The following LAYN variants were observed in gnomAD, a reference collection of about 807,000 sequenced individuals.
LAYN encodes layilin.
In LAYN, 38 loss-of-function variants were observed where a neutral mutation model predicts 43.6. That is an observed-to-expected ratio of 0.87 (90% confidence interval 0.67 to 1.14). The LOEUF (loss-of-function observed/expected upper bound fraction) is 1.14, where lower values mean the gene tolerates loss of function less well. LAYN is among the 50% of genes most tolerant of loss of function. LAYN has a pLI of 0.00. For synonymous variants in LAYN, 168 were observed against 172.9 expected (o/e 0.97, Z 0.22); for missense variants, 479 against 463.8 (o/e 1.03, Z -0.30).
chr11:111,555,130 T>C, intron 4 of LAYN, 77 bp from the exon 5 acceptor site: 1 of 1,089,696 alleles, frequency 9.2e-7, no homozygotes, highest in Non-Finnish European at 1.4e-6. Context: ...GCATCCCAAT[T>C]TGAACATGGT....
chr11:111,554,394 A>G (rs1322624625), intron 3 of LAYN, among the ~76,000 whole-genome samples, 167 bp from the exon 4 acceptor site: 4 of 152,254 alleles, frequency 2.6e-5, no homozygotes, highest in Non-Finnish European at 5.9e-5. Flanking sequence ...GTGCAAAAGC[A>G]ATTATTTTGA....
At chr11:111,547,780 T>C (rs1867673398) in intron 2 of LAYN, among the ~76,000 whole-genome samples, 1 of 152,192 alleles carries the variant, frequency 6.6e-6, no homozygotes, top group Admixed American at 6.5e-5. Flanking sequence ...CTTTGGGTCT[T>C]TAAGGGTGAC....
rs1555018587 is a variant in LAYN, at chr11:111,558,783, A to AT, written c.761+1140_761+1141insT. On this transcript the variant is annotated intron_variant, in intron 6 of 6. Coordinates refer to ENST00000375614, the MANE Select transcript of LAYN (RefSeq NM_178834.5). Reference sequence around the variant, plus strand: ...TTTTATTTATTATTTTATTTAAAAAAATATATATATATATATATATTTGAG... The same window carrying AT: ...TTTTATTTATTATTTTATTTAAAAAATATATATATATATATATATATTTGAG... Among the ~76,000 whole-genome samples, 66 of 143,128 alleles carry AT rather than the reference A, an allele frequency of 4.6e-4. 1 individual carries two copies. The highest frequency in any genetic ancestry group is 1.6e-3 in the African/African-American group (60 of 37,948). 93.9% of individuals were successfully genotyped at this position (143,128 alleles called of 152,430 possible). A position where few individuals can be genotyped will look rare whatever the true frequency, so the allele number is the denominator to read the frequency against.
chr11:111,544,530 G>C (rs951759062), intron 2 of LAYN, among the ~76,000 whole-genome samples: 1 of 152,204 alleles, frequency 6.6e-6, no homozygotes, highest in Non-Finnish European at 1.5e-5. Context: ...CTCATGGAGA[G>C]ACTGAAGATC....
chr11:111,558,777 TA>T (rs61161767), intron 6 of LAYN, among the ~76,000 whole-genome samples: 4 of 142,584 alleles, frequency 2.8e-5, no homozygotes, highest in African/African-American at 1.0e-4. Context: ...TTATTTTATT[TA>T]AAAAAATATA....
chr11:111,541,398 C>T, intron 1 of LAYN: 1 of 676,248 alleles, frequency 1.5e-6, no homozygotes, highest in Non-Finnish European at 2.6e-6. Context: ...CGTGGGAACC[C>T]TGCCTGTTAC....
upstream of LAYN, chr11:111,540,300 C>T (rs1376539081): frequency 3.8e-5 from 6 of 156,496 alleles, no homozygotes; most frequent in Admixed American, 3.9e-4. Context: ...CAGGCGTCGC[C>T]CTTCGTGCTG....
chr11:111,558,356 A>G (rs991316298), intron 6 of LAYN, among the ~76,000 whole-genome samples: 3 of 152,176 alleles, frequency 2.0e-5, no homozygotes, highest in Non-Finnish European at 2.9e-5. Context: ...TTAAAGACCA[A>G]TTTGAGATGA....
chr11:111,557,604 T>A lies in LAYN; in HGVS notation c.722T>A (p.Val241Asp). 6.2e-7 allele frequency: 1 copy of A among 1,614,196 alleles called. No individual in the cohort carries two copies. Among genetic ancestry groups the A allele is most frequent in the Non-Finnish European group, 8.5e-7 (1 of 1,180,028 alleles). Residue 241 changes from valine (V) to aspartate (D), a missense_variant, in exon 6 of 7, where the codon GTC becomes GAC. Physicochemically the swap from Val to Asp is radical, Grantham distance 152 (BLOSUM62 -3). Transcript: ENST00000375614. Reference sequence around the variant, plus strand: ...ATTCCCCTTCTCCTCCTCCTTGTGGTCACCACAGTTGTATGTTGGGTTTGG... The same window carrying A: ...ATTCCCCTTCTCCTCCTCCTTGTGGACACCACAGTTGTATGTTGGGTTTGG... ...PSIPLLLLLVVTTVVCWVWIC... is the reference protein window; with the variant it reads ...PSIPLLLLLVDTTVVCWVWIC...
Position 111,549,640 on chromosome 11 carries a change from T to A in LAYN, c.406T>A (p.Ser136Thr). ...QFRNWYVDEPSCGSEVCVVMY... is the reference protein window; with the variant it reads ...QFRNWYVDEPTCGSEVCVVMY... ...CAGGAACTGGTATGTGGATGAGCCA[T>A]CCTGCGGCAGCGAGGTCTGCGTGGT... Residue 136 changes from serine (S) to threonine (T), a missense_variant, in exon 3 of 7, where the codon TCC becomes ACC. Coordinates refer to ENST00000375614, the MANE Select transcript of LAYN (RefSeq NM_178834.5). 3.8e-6 allele frequency: 6 copies of A among 1,579,588 alleles called. No homozygotes were observed. The highest frequency in any genetic ancestry group is 5.1e-6 in the Non-Finnish European group (6 of 1,167,208).
intron 3 of LAYN, chr11:111,551,261 T>C (rs1346017540): frequency 2.0e-5 from 9 of 450,268 alleles, no homozygotes; most frequent in Admixed American, 1.2e-4. Flanking sequence ...GATGGGGGCA[T>C]GGGGAATAAA....
chr11:111,556,016 C>CTCACT (rs2135803225), intron 5 of LAYN, among the ~76,000 whole-genome samples: 1 of 152,316 alleles, frequency 6.6e-6, no homozygotes, highest in South Asian at 2.1e-4. Flanking sequence ...CAAGACTGCC[C>CTCACT]TCACTTCAGA....
rs1591561742 is a variant in LAYN, at chr11:111,540,805, G to A, written c.-39G>A. 2.7e-6 allele frequency: 4 copies of A among 1,508,908 alleles called. No individual in the cohort carries two copies. The highest frequency in any genetic ancestry group is 3.5e-6 in the Non-Finnish European group (4 of 1,134,790). The allele number at this position is 1,508,908 out of a possible 1,614,324, so 93.5% of individuals were successfully genotyped here. On this transcript the variant is annotated 5_prime_UTR_variant, in exon 1 of 7. Transcript: ENST00000375614. ...CTGCCCGCCAGCCCGCTCCACCGCC[G>A]TAGCGCCCGAGTGTCGGGGGGCGCA...
At position 111,560,545 on chromosome 11, in the gene LAYN, G is replaced by C. The variant is rs533958377; in HGVS notation, c.*87G>C. 8 of 1,402,270 alleles carry C rather than the reference G, an allele frequency of 5.7e-6. No individual in the cohort carries two copies. Among genetic ancestry groups the C allele is most frequent in the African/African-American group, 1.4e-5 (1 of 69,024 alleles). The allele number at this position is 1,402,270 out of a possible 1,614,324, so 86.9% of individuals were successfully genotyped here. ...TTTCTATAAGGAAAATACACAGAAG[G>C]TCTATGAACAAGCTTAGATCAGGTC... is the stretch of plus-strand genomic sequence containing the variant. On this transcript the variant is annotated 3_prime_UTR_variant, in exon 7 of 7. Coordinates refer to ENST00000375614, the MANE Select transcript of LAYN (RefSeq NM_178834.5).
chr11:111,549,034 G>A (rs946856678), intron 2 of LAYN, among the ~76,000 whole-genome samples: 2 of 152,244 alleles, frequency 1.3e-5, no homozygotes, highest in African/African-American at 4.8e-5. Context: ...GCCTTATCAA[G>A]TGGAAACAAC....
intron 1 of LAYN, among the ~76,000 whole-genome samples, chr11:111,542,938 C>A (rs1337667277): frequency 6.6e-6 from 1 of 152,204 alleles, no homozygotes; most frequent in East Asian, 1.9e-4. Context: ...CACACAGACG[C>A]AAGCTAGAGC....
intron 2 of LAYN, among the ~76,000 whole-genome samples, chr11:111,544,437 G>A (rs1221358604): frequency 1.3e-5 from 2 of 152,234 alleles, no homozygotes; most frequent in Non-Finnish European, 1.5e-5. Context: ...CTGTTCAGGT[G>A]AGTGCAGCCC....
intron 1 of LAYN, among the ~76,000 whole-genome samples, chr11:111,542,110 T>C (rs1867555552): frequency 6.6e-6 from 1 of 152,228 alleles, no homozygotes; most frequent in South Asian, 2.1e-4. Context: ...GCTTATGTTA[T>C]GCCGGTGGCC....
intron 1 of LAYN, among the ~76,000 whole-genome samples, chr11:111,542,520 G>A (rs2135789054): frequency 6.6e-6 from 1 of 152,132 alleles, no homozygotes; most frequent in South Asian, 2.1e-4. Flanking sequence ...ATCTGTCTGT[G>A]GCCCCTTGCC....
Sources: allele counts gnomAD v4.1 joint callset (sites outside exome capture counted in the v4.1 genomes callset), GRCh38; gene constraint gnomAD v4.1.1; transcripts MANE v1.5; gene names NCBI Gene and HGNC (gene_info 2026-07-23, HGNC 2026-07-21).